Variants in DCAF1 observed in about 807,000 individuals in gnomAD.
DCAF1 encodes the protein DDB1 and CUL4 associated factor 1, also known as DDB1- and CUL4-associated factor 1.
In DCAF1, 15 loss-of-function variants were observed where a neutral mutation model predicts 128.0. The ratio of observed to expected loss-of-function variants is 0.12; its 90% CI spans 0.08 to 0.18. The LOEUF is 0.18. DCAF1 is among the 10% of genes least tolerant of loss of function. DCAF1 has a pLI of 1.00. For missense variants in DCAF1, 988 were observed against 1,649.5 expected, an observed-to-expected ratio of 0.60 and a Z score of 6.95; for synonymous variants, 610 against 603.0, an observed-to-expected ratio of 1.01 and a Z score of -0.17.
chr3:51,486,642 T>C (rs1242092932), intron 2 of DCAF1, among the ~76,000 whole-genome samples: 1 of 152,136 alleles, frequency 6.6e-6, no homozygotes, highest in East Asian at 1.9e-4. Flanking sequence ...ATTTTTATTT[T>C]TATTTTTTTG....
At chr3:51,468,466 G>A (rs150017592) in intron 4 of DCAF1, among the ~76,000 whole-genome samples, 71 of 152,138 alleles carry the variant, frequency 4.7e-4, no homozygotes, top group African/African-American at 1.5e-3. Context: ...GCCATCACAC[G>A]CGGCCTAGTT....
chr3:51,469,379 C>T (rs915719257), intron 4 of DCAF1, among the ~76,000 whole-genome samples: 20 of 151,762 alleles, frequency 1.3e-4, no homozygotes, highest in African/African-American at 4.6e-4. Context: ...TACAGGCATG[C>T]GCCATCATGT....
intron 7 of DCAF1, among the ~76,000 whole-genome samples, chr3:51,442,661 T>G (rs1340782379): frequency 6.6e-6 from 1 of 152,008 alleles, no homozygotes; most frequent in East Asian, 1.9e-4. Context: ...ATCGCGTCAT[T>G]GCACTCCAGC....
intron 6 of DCAF1, among the ~76,000 whole-genome samples, chr3:51,462,395 G>C (rs1431822682): frequency 6.6e-6 from 1 of 151,824 alleles, no homozygotes; most frequent in Non-Finnish European, 1.5e-5. Flanking sequence ...TTCCAGCCTG[G>C]GCGACAGAGC....
intron 2 of DCAF1, among the ~76,000 whole-genome samples, chr3:51,492,819 C>A (rs1707806524): frequency 6.6e-6 from 1 of 151,474 alleles, no homozygotes; most frequent in Non-Finnish European, 1.5e-5. Flanking sequence ...ATGGTGAAAC[C>A]CCATCTCTAC....
rs1423255509 is a variant in DCAF1 at position 51,410,811 on chromosome 3, C to T, written c.4212+1568G>A. Among the ~76,000 whole-genome samples the T allele has an allele frequency of 3.9e-5, 6 of 152,158 alleles. 1 individual carries two copies. The highest frequency in any genetic ancestry group is 1.2e-4 in the African/African-American group (5 of 41,444). ...CAAACTGAGGGAAGTGTACTTTCCCCGGTCCTGTGATGCCACTGCTTCTCA... is the reference window on the plus strand; with the variant it reads ...CAAACTGAGGGAAGTGTACTTTCCCTGGTCCTGTGATGCCACTGCTTCTCA... On this transcript the variant is annotated intron_variant, in intron 23 of 24. Coordinates refer to ENST00000684031, the MANE Select transcript of DCAF1 (RefSeq NM_001387579.1).
At chr3:51,468,081 T>C (rs1276493947) in intron 4 of DCAF1, among the ~76,000 whole-genome samples, 7 of 152,170 alleles carry the variant, frequency 4.6e-5, no homozygotes, top group Admixed American at 3.9e-4. Context: ...ACTTAGCTCT[T>C]GTGGAAAGAA....
chr3:51,478,053 G>C (rs1274672492), intron 3 of DCAF1, among the ~76,000 whole-genome samples: 1 of 152,166 alleles, frequency 6.6e-6, no homozygotes, highest in Non-Finnish European at 1.5e-5. Context: ...GCCCAGGCTG[G>C]AGTGTAGTGG....
At chr3:51,413,091 T>A (rs782277574) in intron 21 of DCAF1, 25 bp from the exon 22 acceptor site, 1 of 1,613,536 alleles carries the variant, frequency 6.2e-7, no homozygotes, top group Non-Finnish European at 8.5e-7. Flanking sequence ...GTGAGAAGAT[T>A]GGGATTGGAC....
At position 51,485,509 on chromosome 3, in the gene DCAF1, TTTG is replaced by T. The variant is rs1255271081; in HGVS notation, c.-8-1676_-8-1674del. Among the ~76,000 whole-genome samples the T allele has an allele frequency of 9.2e-5, 14 of 152,340 alleles. No homozygotes were observed. The East Asian group carries it at 2.5e-3, about 27-fold the overall frequency. The stretch of plus-strand genomic sequence containing the variant: ...AAAAGGGATAAATGAGACGCAAATG[TTTG>T]ACAGGTTATGGCATCAACTTCTTTA... On this transcript the variant is annotated intron_variant, in intron 2 of 24. Coordinates refer to ENST00000684031, the MANE Select transcript of DCAF1 (RefSeq NM_001387579.1).
chr3:51,461,453 C>T (rs1441587224), intron 6 of DCAF1, among the ~76,000 whole-genome samples: 5 of 152,134 alleles, frequency 3.3e-5, no homozygotes, highest in South Asian at 2.1e-4. Context: ...AACACTTTTA[C>T]ACTGTTGGTG....
chr3:51,437,217 A>T (rs1390796353), intron 9 of DCAF1: 5 of 357,122 alleles, frequency 1.4e-5, no homozygotes, highest in African/African-American at 1.1e-4. Flanking sequence ...GAGCAAACAT[A>T]GCACCACTGC....
At position 51,445,986 on chromosome 3, in the gene DCAF1, G is replaced by A. The variant is rs1262553135; in HGVS notation, c.376-2083C>T. Among the ~76,000 whole-genome samples the A allele has an allele frequency of 5.1e-5, 7 of 135,988 alleles. No individual in the cohort carries two copies. In the East Asian group the frequency reaches 1.6e-3, roughly 32 times the overall value. 89.2% of individuals were successfully genotyped at this position (135,988 alleles called of 152,430 possible). A position where few individuals can be genotyped will look rare whatever the true frequency, so the allele number is the denominator to read the frequency against. On this transcript the variant is annotated intron_variant, in intron 6 of 24. Coordinates refer to ENST00000684031, the MANE Select transcript of DCAF1 (RefSeq NM_001387579.1). ...TGCCAGTGTCTTTTGCTAAACCTAA[G>A]TTCTTTTTTTTTTTTTTTTTTTTTC... is the stretch of plus-strand genomic sequence containing the variant.
Position 51,448,022 on chromosome 3 carries a change from C to T in DCAF1, c.376-4119G>A, listed in dbSNP as rs1156232329. Among the ~76,000 whole-genome samples the T allele has an allele frequency of 3.3e-5, 5 of 151,952 alleles. 1 individual carries two copies. In the East Asian group the frequency reaches 5.8e-4, roughly 18 times the overall value. On this transcript the variant is annotated intron_variant, in intron 6 of 24. Coordinates refer to ENST00000684031, the MANE Select transcript of DCAF1 (RefSeq NM_001387579.1). Reference sequence around the variant, plus strand: ...TCTACTATCTTCTGACCTCTACTGCCGCTGTGGCAAAGTTTGCTCTGTTTG... The same window carrying T: ...TCTACTATCTTCTGACCTCTACTGCTGCTGTGGCAAAGTTTGCTCTGTTTG...
chr3:51,478,573 G>A (rs1553651543), intron 3 of DCAF1, among the ~76,000 whole-genome samples: 1 of 152,122 alleles, frequency 6.6e-6, no homozygotes, highest in Non-Finnish European at 1.5e-5. Flanking sequence ...CATGTTAACA[G>A]CACAATATTT....
intron 12 of DCAF1, among the ~76,000 whole-genome samples, chr3:51,428,902 G>C (rs1700137933): frequency 6.6e-6 from 1 of 152,152 alleles, no homozygotes; most frequent in Admixed American, 6.6e-5. Flanking sequence ...AGGAGGTTGA[G>C]GTGGGAGGAT....
chr3:51,405,516 G>A (rs1311240523), intron 23 of DCAF1, among the ~76,000 whole-genome samples: 6 of 152,094 alleles, frequency 3.9e-5, no homozygotes, highest in Non-Finnish European at 8.8e-5. Flanking sequence ...GAGAGGAGGG[G>A]AAATTAGTAG....
intron 14 of DCAF1, among the ~76,000 whole-genome samples, chr3:51,422,015 T>C (rs1373914010): frequency 6.6e-6 from 1 of 152,130 alleles, no homozygotes; most frequent in African/African-American, 2.4e-5. Flanking sequence ...AGCTATAATA[T>C]ACCATTATAG....
intron 17 of DCAF1, 22 bp from the exon 18 acceptor site, chr3:51,416,893 A>C: frequency 1.3e-6 from 2 of 1,593,384 alleles, no homozygotes; most frequent in Non-Finnish European, 8.6e-7. Flanking sequence ...CAACAGGAGC[A>C]CTGAAGTGAC....
Sources: gnomAD v4.1 joint callset for allele counts (sites outside exome capture counted in the v4.1 genomes callset) on GRCh38, gnomAD v4.1.1 for gene constraint, MANE v1.5 for transcripts, NCBI Gene and HGNC (gene_info 2026-07-23, HGNC 2026-07-21) for gene names.